Variants in SHANK2 observed in about 807,000 individuals in gnomAD.
SHANK2 encodes SH3 and multiple ankyrin repeat domains protein 2.
In SHANK2, 43 loss-of-function variants were observed where a neutral mutation model predicts 133.7. That is an observed-to-expected ratio of 0.32 (90% confidence interval 0.25 to 0.41). SHANK2 has a LOEUF of 0.41. Ranked by LOEUF, SHANK2 falls within the 10% of genes least tolerant of loss-of-function variation. SHANK2 has a pLI of 1.00. For missense variants in SHANK2, 1,994 were observed against 2,235.8 expected, an observed-to-expected ratio of 0.89 and a Z score of 2.18; for synonymous variants, 1,017 against 952.8, an observed-to-expected ratio of 1.07 and a Z score of -1.24.
At chr11:71,197,509 T>C (rs1353791672) in intron 2 of SHANK2, among the ~76,000 whole-genome samples, 2 of 152,260 alleles carry the variant, frequency 1.3e-5, no homozygotes, top group Admixed American at 6.5e-5. Context: ...CCCTGCCCCA[T>C]GAGGCCATCT....
At chr11:70,942,231 G>A (rs1950658479) in intron 10 of SHANK2, among the ~76,000 whole-genome samples, 1 of 152,136 alleles carries the variant, frequency 6.6e-6, no homozygotes, top group Admixed American at 6.6e-5. Flanking sequence ...TTAGCTCAAG[G>A]TTCTGTGGTG....
chr11:70,670,386 G>A (rs957913889), intron 15 of SHANK2, among the ~76,000 whole-genome samples: 6 of 152,222 alleles, frequency 3.9e-5, no homozygotes, highest in East Asian at 1.9e-4. Flanking sequence ...AGTTACGTGG[G>A]GGGTGTTGAG....
At chr11:70,592,467 C>A (rs1273929683) in intron 17 of SHANK2, among the ~76,000 whole-genome samples, 7 of 149,164 alleles carry the variant, frequency 4.7e-5, no homozygotes, top group Non-Finnish European at 7.6e-5. Flanking sequence ...CAGACTCAAG[C>A]AGCACACACC....
At chr11:70,664,531 C>T (rs1944643252) in intron 15 of SHANK2, among the ~76,000 whole-genome samples, 1 of 152,204 alleles carries the variant, frequency 6.6e-6, no homozygotes, top group Non-Finnish European at 1.5e-5. Flanking sequence ...CCTGCACTCT[C>T]CCTGGGGACA....
chr11:70,829,823 G>A (rs782256244), intron 11 of SHANK2, among the ~76,000 whole-genome samples: 37 of 152,338 alleles, frequency 2.4e-4, no homozygotes, highest in Non-Finnish European at 3.8e-4. Context: ...CACCTACTGA[G>A]TGCCCGGTCC....
At chr11:71,086,221 AATATATTAAATTATATAATATATTATG>A (rs1419792395) in intron 8 of SHANK2, among the ~76,000 whole-genome samples, 11,520 of 68,906 alleles carry the variant, frequency 0.17, 3,981 homozygotes, top group Non-Finnish European at 0.2. Flanking sequence ...TATGTTATAT[AATATATTAAATTATATAATATATTATG>A]TTATATATGT....
At chr11:70,826,774 G>A (rs1948647125) in intron 11 of SHANK2, 15 of 302,466 alleles carry the variant, frequency 5.0e-5, no homozygotes, top group South Asian at 4.4e-4. Flanking sequence ...CGCGGCGCGC[G>A]TCATGTGAGC....
intron 17 of SHANK2, among the ~76,000 whole-genome samples, chr11:70,607,213 A>G (rs112351941): frequency 0.029 from 4,449 of 152,248 alleles, 108 homozygotes; most frequent in South Asian, 0.045. Context: ...GGGTCTGGGT[A>G]CTGCAGATTG....
rs964031243 is a variant in SHANK2 at position 70,820,573 on chromosome 11, G to A, written c.1284C>T (p.Ala428=). 5 of 716,774 alleles carry A rather than the reference G, an allele frequency of 7.0e-6. No individual in the cohort carries two copies. The Admixed American group carries it at 1.0e-4, about 14-fold the overall frequency. 44.4% of individuals were successfully genotyped at this position (716,774 alleles called of 1,614,324 possible). ...AGCAGACGGCCCAGTCGGGAGCGCT[G>A]GCATTGAGGTTGTTGTCACTGTTGG... is the stretch of plus-strand genomic sequence containing the variant. The part of the protein sequence containing the change: ...LRSNSDNNLN[A]SAPDWAVCST... Residue 428 remains alanine (A), a synonymous_variant, in exon 12 of 26, where the codon GCC becomes GCT. Transcript: ENST00000601538.
intron 11 of SHANK2, chr11:70,863,566 A>G (rs1555068372): frequency 8.7e-6 from 4 of 457,638 alleles, no homozygotes; most frequent in Non-Finnish European, 1.8e-5. Flanking sequence ...GTGAAGGTAC[A>G]ATTTAGAGTC....
chr11:70,750,437 A>G (rs1255596704), intron 14 of SHANK2, among the ~76,000 whole-genome samples: 1 of 152,232 alleles, frequency 6.6e-6, no homozygotes, highest in Non-Finnish European at 1.5e-5. Context: ...TGGTCCACAC[A>G]TGTGGAGGAA....
intron 10 of SHANK2, among the ~76,000 whole-genome samples, chr11:70,908,936 C>G (rs1950150361): frequency 6.6e-6 from 1 of 152,216 alleles, no homozygotes; most frequent in Admixed American, 6.5e-5. Flanking sequence ...CATCCCCTTA[C>G]CCCTCTTAGG....
chr11:70,639,117 AG>A (rs1345130854), intron 17 of SHANK2, among the ~76,000 whole-genome samples: 1 of 152,136 alleles, frequency 6.6e-6, no homozygotes, highest in Non-Finnish European at 1.5e-5. Context: ...CTGCTGGCTG[AG>A]GGTCTCTGCA....
At chr11:71,067,894 C>T (rs985325171) in intron 9 of SHANK2, among the ~76,000 whole-genome samples, 1 of 151,866 alleles carries the variant, frequency 6.6e-6, no homozygotes, top group Non-Finnish European at 1.5e-5. Context: ...TCACCACCAC[C>T]ACTACCACTA....
chr11:70,941,530 T>C (rs1195909787), intron 10 of SHANK2, among the ~76,000 whole-genome samples: 7 of 152,202 alleles, frequency 4.6e-5, no homozygotes, highest in African/African-American at 1.7e-4. Context: ...GTCAGAGCTC[T>C]AATCCCCAAG....
intron 2 of SHANK2, among the ~76,000 whole-genome samples, chr11:71,206,393 C>T (rs1954127400): frequency 6.6e-6 from 1 of 152,148 alleles, no homozygotes; most frequent in Non-Finnish European, 1.5e-5. Flanking sequence ...AACATCCAGG[C>T]AGAATTAACA....
intron 8 of SHANK2, among the ~76,000 whole-genome samples, chr11:71,087,811 G>T (rs899000666): frequency 5.3e-5 from 8 of 152,102 alleles, no homozygotes; most frequent in African/African-American, 1.7e-4. Flanking sequence ...TGTATTTTTA[G>T]TAAGACAGGG....
At chr11:70,518,746 G>A (rs1323340926) in intron 17 of SHANK2, among the ~76,000 whole-genome samples, 1 of 152,148 alleles carries the variant, frequency 6.6e-6, no homozygotes, top group Non-Finnish European at 1.5e-5. Context: ...AGACAGCACC[G>A]GTGGGTCAAG....
chr11:71,223,588 T>C (rs184811300), intron 2 of SHANK2, among the ~76,000 whole-genome samples: 1 of 152,342 alleles, frequency 6.6e-6, no homozygotes, highest in Admixed American at 6.5e-5. Context: ...TGCACCATAT[T>C]AAATCAGGGA....
Sources: allele counts gnomAD v4.1 joint callset (sites outside exome capture counted in the v4.1 genomes callset), GRCh38; gene constraint gnomAD v4.1.1; transcripts MANE v1.5; gene names NCBI Gene and HGNC (gene_info 2026-07-23, HGNC 2026-07-21).